Variants in TGFA observed in about 807,000 individuals in gnomAD.
The protein encoded by TGFA is transforming growth factor alpha, also known as protransforming growth factor alpha.
A neutral mutation model predicts 21.7 loss-of-function variants in TGFA; 12 were observed. The observed-to-expected ratio is 0.55, with a 90% confidence interval of 0.35 to 0.90. The LOEUF is 0.90. TGFA is among the 40% of genes least tolerant of loss of function. TGFA has a pLI of 0.01. For missense variants in TGFA, 178 were observed against 210.8 expected, an observed-to-expected ratio of 0.84 and a Z score of 0.96; for synonymous variants, 79 against 88.1, an observed-to-expected ratio of 0.90 and a Z score of 0.58.
chr2:70,529,560 A>AGCACG (rs1371855970), intron 1 of TGFA, among the ~76,000 whole-genome samples: 2 of 151,464 alleles, frequency 1.3e-5, no homozygotes, highest in East Asian at 3.9e-4. Flanking sequence ...CTGGAGGAAG[A>AGCACG]GCACGTGCAA....
intron 1 of TGFA, among the ~76,000 whole-genome samples, chr2:70,539,196 G>A (rs1327026839): frequency 1.3e-5 from 2 of 152,064 alleles, no homozygotes; most frequent in African/African-American, 2.4e-5. Flanking sequence ...TATATGCACC[G>A]GGAAACCAAA....
Position 70,521,609 on chromosome 2 carries a change from G to GTTTTTTTTTTTTTTT in TGFA, c.41-6698_41-6697insAAAAAAAAAAAAAAA, listed in dbSNP as rs797022948. On this transcript the variant is annotated intron_variant, in intron 1 of 5. Coordinates refer to ENST00000295400, the MANE Select transcript of TGFA (RefSeq NM_003236.4). ...ACTATTGATAGTTTTTTTTGTTGTT[G>GTTTTTTTTTTTTTTT]TTTGTTTGTTTTTTTTTTTTTTTTT... is the stretch of plus-strand genomic sequence containing the variant. Among the ~76,000 whole-genome samples the GTTTTTTTTTTTTTTT allele has an allele frequency of 1.1e-3, 89 of 78,842 alleles. 13 individuals are homozygous for GTTTTTTTTTTTTTTT. Among genetic ancestry groups the GTTTTTTTTTTTTTTT allele is most frequent in the Admixed American group, 2.0e-3 (11 of 5,618 alleles). The allele number at this position is 78,842 out of a possible 152,430, so 51.7% of individuals were successfully genotyped here. A position where few individuals can be genotyped will look rare whatever the true frequency, so the allele number is the denominator to read the frequency against.
chr2:70,544,875 G>T (rs943843404), intron 1 of TGFA, among the ~76,000 whole-genome samples: 1 of 152,124 alleles, frequency 6.6e-6, no homozygotes, highest in Non-Finnish European at 1.5e-5. Flanking sequence ...GGCTAGAAAG[G>T]GTAGTGGGTG....
intron 2 of TGFA, chr2:70,468,485 C>T (rs945521363): frequency 6.6e-6 from 1 of 152,270 alleles, no homozygotes; most frequent in Non-Finnish European, 1.5e-5. Flanking sequence ...TAACTGGCTT[C>T]TCTGTGCTCA....
chr2:70,455,151 G>T (rs1251853065), intron 4 of TGFA, among the ~76,000 whole-genome samples: 1 of 152,202 alleles, frequency 6.6e-6, no homozygotes, highest in African/African-American at 2.4e-5. Flanking sequence ...AATGGATACT[G>T]CTTGGTGGGG....
intron 1 of TGFA, among the ~76,000 whole-genome samples, chr2:70,537,765 C>T (rs1418470669): frequency 6.6e-6 from 1 of 152,244 alleles, no homozygotes; most frequent in African/African-American, 2.4e-5. Flanking sequence ...CATAACATGA[C>T]AGTGCACAGC....
chr2:70,538,755 T>C (rs554249688), intron 1 of TGFA, among the ~76,000 whole-genome samples: 1 of 152,352 alleles, frequency 6.6e-6, no homozygotes, highest in African/African-American at 2.4e-5. Context: ...GCTGTGAACA[T>C]TGTGGAAATG....
chr2:70,470,759 C>T (rs1223049417), intron 2 of TGFA, among the ~76,000 whole-genome samples: 1 of 152,104 alleles, frequency 6.6e-6, no homozygotes, highest in Non-Finnish European at 1.5e-5. Context: ...GTTCCTGGTC[C>T]TCCATAATTC....
chr2:70,464,966 T>A (rs1464756333), intron 3 of TGFA, among the ~76,000 whole-genome samples: 1 of 152,214 alleles, frequency 6.6e-6, no homozygotes, highest in Non-Finnish European at 1.5e-5. Flanking sequence ...TGGCAGTCGC[T>A]GTGGCTCTGA....
chr2:70,521,435 T>C (rs7586481), intron 1 of TGFA, among the ~76,000 whole-genome samples: 8,375 of 152,144 alleles, frequency 0.055, 781 homozygotes, highest in African/African-American at 0.19. Flanking sequence ...TTTAGTTTAG[T>C]TGCCTGAGCC....
Position 70,460,883 on chromosome 2 carries a change from A to G in TGFA, c.216-4395T>C, listed in dbSNP as rs1204053325. On this transcript the variant is annotated intron_variant, in intron 3 of 5. Coordinates refer to ENST00000295400, the MANE Select transcript of TGFA (RefSeq NM_003236.4). Reference sequence around the variant, plus strand: ...ACTTCCCGTGATCATGACAGAGTCTATATCTGGGCAGATGAATACAGTAGC... The same window carrying G: ...ACTTCCCGTGATCATGACAGAGTCTGTATCTGGGCAGATGAATACAGTAGC... Among the ~76,000 whole-genome samples the G allele has an allele frequency of 3.3e-5, 5 of 152,204 alleles. No homozygotes were observed. In the East Asian group the frequency reaches 5.8e-4, roughly 18 times the overall value.
intron 1 of TGFA, among the ~76,000 whole-genome samples, chr2:70,549,071 T>C (rs951072176): frequency 1.3e-5 from 2 of 152,222 alleles, no homozygotes; most frequent in African/African-American, 2.4e-5. Context: ...TGATTAAAAA[T>C]ATTTGAAACG....
At chr2:70,498,395 A>G (rs1671638102) in intron 2 of TGFA, among the ~76,000 whole-genome samples, 1 of 152,154 alleles carries the variant, frequency 6.6e-6, no homozygotes, top group Non-Finnish European at 1.5e-5. Flanking sequence ...CAGGAAGAGG[A>G]GGAGATGAGG....
chr2:70,514,397 T>C (rs1178835111), intron 2 of TGFA, among the ~76,000 whole-genome samples: 1 of 150,224 alleles, frequency 6.7e-6, no homozygotes, highest in Non-Finnish European at 1.5e-5. Flanking sequence ...TTAGAATCTT[T>C]AAAATAATAA....
chr2:70,484,312 T>C (rs7580079), intron 2 of TGFA, among the ~76,000 whole-genome samples: 9,367 of 152,270 alleles, frequency 0.062, 358 homozygotes, highest in Middle Eastern at 0.12. Context: ...CTGAAGTTTG[T>C]TGCCAAACCA....
intron 2 of TGFA, among the ~76,000 whole-genome samples, chr2:70,477,643 T>C (rs955548969): frequency 5.3e-5 from 8 of 152,170 alleles, no homozygotes; most frequent in Non-Finnish European, 5.9e-5. Flanking sequence ...CATGCTCCAC[T>C]TGCAGGCTTG....
At chr2:70,474,288 G>T (rs938105881) in intron 2 of TGFA, among the ~76,000 whole-genome samples, 23 of 152,246 alleles carry the variant, frequency 1.5e-4, no homozygotes, top group Middle Eastern at 3.2e-3. Context: ...CTGGAATGTA[G>T]TAGAACTGAA....
chr2:70,507,052 C>T (rs1553500229), intron 2 of TGFA, among the ~76,000 whole-genome samples: 3 of 152,202 alleles, frequency 2.0e-5, no homozygotes, highest in African/African-American at 7.2e-5. Context: ...AGCAAAGGTC[C>T]TGTGAGTGCT....
intron 1 of TGFA, among the ~76,000 whole-genome samples, chr2:70,537,113 C>G (rs1239713892): frequency 4.1e-5 from 6 of 146,894 alleles, no homozygotes; most frequent in African/African-American, 1.2e-4. Flanking sequence ...ATTATAATAT[C>G]TGTTATGGTG....
Sources: gnomAD v4.1 joint callset for allele counts (sites outside exome capture counted in the v4.1 genomes callset) on GRCh38, gnomAD v4.1.1 for gene constraint, MANE v1.5 for transcripts, NCBI Gene and HGNC (gene_info 2026-07-23, HGNC 2026-07-21) for gene names.